Variants in ROR2 observed in about 807,000 individuals in gnomAD.
ROR2 encodes the protein ROR family WNT receptor 2, also known as tyrosine-protein kinase transmembrane receptor ROR2.
ROR2 carries 33 observed loss-of-function variants against 74.9 expected under a neutral mutation model. The observed-to-expected ratio is 0.44, with a 90% CI of 0.33 to 0.59. ROR2 has a LOEUF of 0.59. Ranked by LOEUF, ROR2 falls within the 20% of genes least tolerant of loss-of-function variation. ROR2 has a pLI of 0.02. For missense variants in ROR2, 1,216 were observed against 1,313.8 expected (o/e 0.93, Z 1.15); for synonymous variants, 586 against 558.7 (o/e 1.05, Z -0.69).
intron 1 of ROR2, among the ~76,000 whole-genome samples, chr9:91,873,226 T>C (rs188984077): frequency 1.3e-5 from 2 of 152,216 alleles, no homozygotes; most frequent in East Asian, 3.9e-4. Context: ...ACTGCCTGTG[T>C]GCATCGGGCC....
intron 1 of ROR2, among the ~76,000 whole-genome samples, chr9:91,878,227 G>GT (rs1830009073): frequency 6.6e-6 from 1 of 152,196 alleles, no homozygotes; most frequent in African/African-American, 2.4e-5. Context: ...CAGGAAGCAG[G>GT]TAAGAATGAA....
intron 1 of ROR2, among the ~76,000 whole-genome samples, chr9:91,901,368 C>T (rs1830673514): frequency 6.6e-6 from 1 of 152,018 alleles, no homozygotes; most frequent in Non-Finnish European, 1.5e-5. Context: ...TACTAGTTGC[C>T]TCAAGTATAA....
At chr9:91,835,194 T>TCCAATCCAG (rs1828574692) in intron 1 of ROR2, among the ~76,000 whole-genome samples, 1 of 152,032 alleles carries the variant, frequency 6.6e-6, no homozygotes, top group Admixed American at 6.6e-5. Context: ...CCTCCAAGGG[T>TCCAATCCAG]CCTGCACCAA....
intron 2 of ROR2, among the ~76,000 whole-genome samples, chr9:91,771,314 A>T: frequency 6.6e-6 from 1 of 152,162 alleles, no homozygotes; most frequent in East Asian, 1.9e-4. Context: ...GAAATTATCC[A>T]CTTCCCACAA....
intron 2 of ROR2, among the ~76,000 whole-genome samples, chr9:91,770,409 G>A (rs369579563): frequency 1.8e-4 from 27 of 152,322 alleles, no homozygotes; most frequent in Non-Finnish European, 3.2e-4. Context: ...CGGTATGGGC[G>A]GGGGCAGGGT....
intron 1 of ROR2, among the ~76,000 whole-genome samples, chr9:91,789,273 A>G (rs1173583676): frequency 6.6e-6 from 1 of 152,196 alleles, no homozygotes; most frequent in African/African-American, 2.4e-5. Flanking sequence ...AAATGAGAAA[A>G]TCTATCATTA....
intron 1 of ROR2, among the ~76,000 whole-genome samples, chr9:91,855,275 G>C (rs1008427676): frequency 1.3e-5 from 2 of 152,166 alleles, no homozygotes; most frequent in African/African-American, 2.4e-5. Context: ...CCTAGCAAGA[G>C]AGCAGCACGT....
At chr9:91,918,631 A>C (rs938743051) in intron 1 of ROR2, among the ~76,000 whole-genome samples, 2 of 152,226 alleles carry the variant, frequency 1.3e-5, no homozygotes, top group Non-Finnish European at 2.9e-5. Context: ...AATTTTCTGC[A>C]ATTCCATAGT....
At chr9:91,768,765 CA>C (rs1490149115) in intron 2 of ROR2, among the ~76,000 whole-genome samples, 2 of 152,202 alleles carry the variant, frequency 1.3e-5, no homozygotes, top group African/African-American at 4.8e-5. Flanking sequence ...GTGCCCGGCC[CA>C]AACTCTGCCC....
intron 1 of ROR2, among the ~76,000 whole-genome samples, chr9:91,927,869 A>G (rs889368036): frequency 1.3e-5 from 2 of 151,882 alleles, no homozygotes; most frequent in African/African-American, 4.8e-5. Context: ...CAGCCTCTAG[A>G]TTCTATAACT....
chr9:91,916,204 G>A (rs182079900), intron 1 of ROR2, among the ~76,000 whole-genome samples: 7 of 152,150 alleles, frequency 4.6e-5, no homozygotes, highest in Non-Finnish European at 7.4e-5. Flanking sequence ...TGTTTCCCCC[G>A]CAACTAATCT....
chr9:91,828,709 G>C (rs370191765), intron 1 of ROR2, among the ~76,000 whole-genome samples: 1 of 152,098 alleles, frequency 6.6e-6, no homozygotes. Flanking sequence ...GCAAGACCCT[G>C]TCTCAAATAA....
intron 1 of ROR2, among the ~76,000 whole-genome samples, chr9:91,849,031 C>T (rs541032782): frequency 1.2e-4 from 19 of 152,100 alleles, no homozygotes; most frequent in Non-Finnish European, 2.4e-4. Flanking sequence ...AGTTCCACAG[C>T]GACCACCCTC....
intron 1 of ROR2, among the ~76,000 whole-genome samples, chr9:91,805,612 T>C (rs748540439): frequency 2.0e-5 from 3 of 152,180 alleles, no homozygotes; most frequent in Non-Finnish European, 4.4e-5. Flanking sequence ...GAGGAAGAAA[T>C]GCCAGCGTGG....
intron 1 of ROR2, among the ~76,000 whole-genome samples, chr9:91,904,973 C>CCACACAAAATACAATA (rs1830775806): frequency 6.6e-6 from 1 of 151,536 alleles, no homozygotes; most frequent in Non-Finnish European, 1.5e-5. Flanking sequence ...ATGTCACATG[C>CCACACAAAATACAATA]CACACAACAT....
intron 1 of ROR2, among the ~76,000 whole-genome samples, chr9:91,840,575 G>A (rs1303726723): frequency 6.6e-6 from 1 of 152,216 alleles, no homozygotes; most frequent in Non-Finnish European, 1.5e-5. Context: ...CCAGCTGGGG[G>A]CCTTCCTCCT....
chr9:91,785,086 C>T (rs10992104), intron 1 of ROR2, among the ~76,000 whole-genome samples: 13,674 of 152,192 alleles, frequency 0.09, 940 homozygotes, highest in East Asian at 0.29. Context: ...GACATGGGTA[C>T]ACACACGTAT....
chr9:91,742,177 A>G (rs1237836662), intron 4 of ROR2, among the ~76,000 whole-genome samples: 1 of 152,186 alleles, frequency 6.6e-6, no homozygotes, highest in Non-Finnish European at 1.5e-5. Flanking sequence ...AGGAAGAAGC[A>G]AAAGTGGAAA....
Position 91,757,305 on chromosome 9 carries a change from T to C in ROR2, c.430A>G (p.Ile144Val). 1.9e-6 allele frequency: 3 copies of C among 1,613,978 alleles called. No individual in the cohort carries two copies. Among genetic ancestry groups the C allele is most frequent in the Non-Finnish European group, 1.7e-6 (2 of 1,180,010 alleles). Residue 144 changes from isoleucine (I) to valine (V), a missense_variant, in exon 3 of 9, where the codon ATT becomes GTT. Ile to Val is a conservative substitution (Grantham distance 29, BLOSUM62 3). Transcript: ENST00000375708. ...QCVATNGMKT[I>V]TATGVLFVRL... ...ACAAACAGGACGCCAGTGGCGGTAA[T>C]GGTCTTCATCCCGTTGGTGGCCACG... is the stretch of plus-strand genomic sequence containing the variant.
Sources: gnomAD v4.1 joint callset for allele counts (sites outside exome capture counted in the v4.1 genomes callset) on GRCh38, gnomAD v4.1.1 for gene constraint, MANE v1.5 for transcripts, NCBI Gene and HGNC (gene_info 2026-07-23, HGNC 2026-07-21) for gene names.